Variants in TTC6 observed in about 807,000 individuals in gnomAD.
TTC6 encodes the protein tetratricopeptide repeat protein 6.
Under a neutral mutation model 210.4 loss-of-function variants are expected in TTC6, and 172 were observed. The observed-to-expected ratio is 0.82, with a 90% CI of 0.72 to 0.93. TTC6 has a LOEUF of 0.93. Among genes scored for constraint, TTC6 ranks in the 40% least tolerant of loss-of-function variants. The pLI is 0.00. For synonymous variants in TTC6, 804 were observed against 819.6 expected (o/e 0.98, Z 0.32); for missense variants, 2,414 against 2,318.1 (o/e 1.04, Z -0.85).
chr14:37,702,057 C>G (rs1386877545), intron 5 of TTC6, among the ~76,000 whole-genome samples: 3 of 152,014 alleles, frequency 2.0e-5, no homozygotes, highest in African/African-American at 7.3e-5. Flanking sequence ...ATAGCATCCT[C>G]AAAAGAAAGG....
At chr14:37,831,186 C>T (rs2096184172) in intron 29 of TTC6, among the ~76,000 whole-genome samples, 1 of 152,070 alleles carries the variant, frequency 6.6e-6, no homozygotes, top group Non-Finnish European at 1.5e-5. Flanking sequence ...TGTTGTCTTT[C>T]TGTACCTGGC....
intron 9 of TTC6, 71 bp downstream of exon 11, chr14:37,737,805 T>TA (rs950405208): frequency 7.9e-5 from 66 of 839,016 alleles, no homozygotes; most frequent in Non-Finnish European, 1.0e-4. Context: ...ATCACCTTAT[T>TA]TTTTTTTAAA....
At chr14:37,815,271 T>C (rs1013009391) in intron 25 of TTC6, among the ~76,000 whole-genome samples, 1 of 152,086 alleles carries the variant, frequency 6.6e-6, no homozygotes, top group African/African-American at 2.4e-5. Flanking sequence ...CATAAGTGTA[T>C]AGCAGTGGTC....
intron 3 of TTC6, among the ~76,000 whole-genome samples, chr14:37,692,860 A>AAAAT (rs3985274): frequency 0.017 from 2,382 of 143,618 alleles, 23 homozygotes; most frequent in Non-Finnish European, 0.021. Flanking sequence ...CTCCATCTCA[A>AAAAT]AAATAAATAA....
At chr14:37,807,365 T>C (rs1351895311) in exon 23 of TTC6, 17 of 1,530,470 alleles carry the variant, frequency 1.1e-5, no homozygotes, top group Non-Finnish European at 1.4e-5. Context: ...AGGCAGGTAT[T>C]CCAAAGCAAT....
intron 1 of TTC6, among the ~76,000 whole-genome samples, chr14:37,657,895 G>C (rs1477187169): frequency 1.3e-5 from 2 of 152,104 alleles, no homozygotes; most frequent in Non-Finnish European, 2.9e-5. Flanking sequence ...ATTTTTGTCT[G>C]ACCTTGCAGG....
intron 26 of TTC6, among the ~76,000 whole-genome samples, chr14:37,821,749 G>C (rs1291156615): frequency 6.8e-6 from 1 of 146,628 alleles, no homozygotes. Context: ...ACATCAAGGA[G>C]AATGTCTCAG....
At chr14:37,808,515 G>T (rs1384363912) in intron 23 of TTC6, among the ~76,000 whole-genome samples, 1 of 152,004 alleles carries the variant, frequency 6.6e-6, no homozygotes, top group East Asian at 1.9e-4. Context: ...ATTTAATTTT[G>T]TTTGCAGGTA....
intron 6 of TTC6, 45 bp from the exon 9 acceptor site, chr14:37,724,853 G>C (rs762202897): frequency 1.7e-6 from 2 of 1,181,666 alleles, no homozygotes; most frequent in South Asian, 3.5e-5. Flanking sequence ...TACTCTCAAG[G>C]CCATTTCTTA....
At chr14:37,748,540 G>A (rs1025992404) in intron 10 of TTC6, among the ~76,000 whole-genome samples, 1 of 152,136 alleles carries the variant, frequency 6.6e-6, no homozygotes, top group Admixed American at 6.5e-5. Flanking sequence ...GTCAACTCCT[G>A]CCTTCTTCCC....
At chr14:37,775,066 T>A (rs2096032864) in intron 14 of TTC6, among the ~76,000 whole-genome samples, 1 of 152,156 alleles carries the variant, frequency 6.6e-6, no homozygotes. Flanking sequence ...TTCTGTGAGG[T>A]CAGTGATGAC....
intron 5 of TTC6, among the ~76,000 whole-genome samples, chr14:37,704,589 G>A (rs2138699423): frequency 6.6e-6 from 1 of 151,620 alleles, no homozygotes; most frequent in Admixed American, 6.6e-5. Context: ...TATCTCTTTT[G>A]TATTGTTTTG....
intron 1 of TTC6, among the ~76,000 whole-genome samples, chr14:37,639,714 A>C (rs1950818): frequency 8.1e-6 from 1 of 123,190 alleles, no homozygotes; most frequent in Non-Finnish European, 1.8e-5. Context: ...TACAAGAAAT[A>C]CAAAAAAAAA....
At chr14:37,806,227 G>C in intron 21 of TTC6, 134 bp from the exon 24 acceptor site, 1 of 907,400 alleles carries the variant, frequency 1.1e-6, no homozygotes, top group East Asian at 2.7e-5. Flanking sequence ...GGTCCATTAG[G>C]AGAAATGTAT....
chr14:37,832,329 C>CTTTTTTTTTTTTTTTTTTTTT (rs58133834), intron 29 of TTC6, among the ~76,000 whole-genome samples: 1 of 68,918 alleles, frequency 1.5e-5, no homozygotes, highest in Non-Finnish European at 2.8e-5. Context: ...TTCTTTCTCT[C>CTTTTTTTTTTTTTTTTTTTTT]TTTTTTTTTT....
intron 2 of TTC6, among the ~76,000 whole-genome samples, chr14:37,680,467 T>C (rs2095780949): frequency 6.6e-6 from 1 of 152,154 alleles, no homozygotes; most frequent in Admixed American, 6.6e-5. Context: ...CCTTCTGAGC[T>C]AAGGCCCCAG....
chr14:37,824,076 T>C, intron 27 of TTC6, 119 bp downstream of exon 29: 1 of 981,942 alleles, frequency 1.0e-6, no homozygotes, highest in Non-Finnish European at 1.5e-6. Flanking sequence ...TACCTTTTCT[T>C]TACTTTTAGG....
chr14:37,640,194 G>GA (rs1020073393), intron 1 of TTC6, among the ~76,000 whole-genome samples: 18 of 151,680 alleles, frequency 1.2e-4, no homozygotes, highest in African/African-American at 4.4e-4. Flanking sequence ...ATTTATTATA[G>GA]AATGCATGTA....
intron 14 of TTC6, among the ~76,000 whole-genome samples, chr14:37,762,174 T>A (rs930745332): frequency 2.0e-5 from 3 of 152,192 alleles, no homozygotes; most frequent in Admixed American, 2.0e-4. Context: ...AAGAAAAGGC[T>A]GAATAGTATT....
Sources: gnomAD v4.1 joint callset for allele counts (sites outside exome capture counted in the v4.1 genomes callset) on GRCh38, gnomAD v4.1.1 for gene constraint, MANE v1.5 for transcripts, NCBI Gene and HGNC (gene_info 2026-07-23, HGNC 2026-07-21) for gene names.